Variants in MROH2B observed in about 807,000 individuals in gnomAD.
The protein encoded by MROH2B is maestro heat like repeat family member 2B.
MROH2B carries 177 observed loss-of-function variants against 208.6 expected under a neutral mutation model. The ratio of observed to expected loss-of-function variants is 0.85; its 90% CI spans 0.75 to 0.96. The LOEUF (loss-of-function observed/expected upper bound fraction) is 0.96. Ranked by LOEUF, MROH2B falls within the 40% of genes least tolerant of loss-of-function variation. The pLI, the probability that MROH2B is intolerant of heterozygous loss-of-function variation, is 0.00. For missense variants in MROH2B, 2,002 were observed against 1,878.7 expected, an observed-to-expected ratio of 1.07 and a Z score of -1.21; for synonymous variants, 728 against 659.0, an observed-to-expected ratio of 1.10 and a Z score of -1.60.
At position 41,008,601 on chromosome 5, in the gene MROH2B, T is replaced by C; in HGVS notation, c.3608+5A>G. The C allele has an allele frequency of 1.2e-6, 2 of 1,613,154 alleles. No homozygotes were observed. The highest frequency in any genetic ancestry group is 1.7e-6 in the Non-Finnish European group (2 of 1,179,540). On this transcript the variant is annotated splice_donor_5th_base_variant and intron_variant, in intron 33 of 41. Coordinates refer to ENST00000399564, the MANE Select transcript of MROH2B (RefSeq NM_173489.5). ...GTGGAAGATGCTTCCTGATTGGCCG[T>C]TTACCTGCAGGGGTCTGGGATCTGC... is the stretch of plus-strand genomic sequence containing the variant.
intron 5 of MROH2B, among the ~76,000 whole-genome samples, chr5:41,062,733 G>C (rs1476131251): frequency 2.0e-5 from 3 of 152,140 alleles, no homozygotes; most frequent in African/African-American, 4.8e-5. Context: ...TATAGCTGTA[G>C]AGCCGGCCAT....
intron 28 of MROH2B, among the ~76,000 whole-genome samples, chr5:41,016,774 C>A (rs1219836395): frequency 2.0e-5 from 3 of 152,024 alleles, no homozygotes; most frequent in Non-Finnish European, 4.4e-5. Context: ...CCCACCACGT[C>A]CAGCCTGGAA....
rs553024023 is a variant in MROH2B at position 41,020,097 on chromosome 5, G to A, written c.2442-1079C>T. Among the ~76,000 whole-genome samples, 14 of 152,156 alleles carry A rather than the reference G, an allele frequency of 9.2e-5. No individual in the cohort carries two copies. In the South Asian group the frequency reaches 2.7e-3, roughly 29 times the overall value. ...CATAAGCTCGTGAACATGAGTTGTG[G>A]CTGATCTGGATTAAGATGTAACACA... On this transcript the variant is annotated intron_variant, in intron 24 of 41. Coordinates refer to ENST00000399564, the MANE Select transcript of MROH2B (RefSeq NM_173489.5).
At chr5:41,015,186 A>C (rs1741898896) in intron 29 of MROH2B, among the ~76,000 whole-genome samples, 195 bp downstream of exon 29, 1 of 152,242 alleles carries the variant, frequency 6.6e-6, no homozygotes, top group South Asian at 2.1e-4. Flanking sequence ...CTTGGTCTAC[A>C]AAGTTTCCCA....
Position 41,039,451 on chromosome 5 carries a change from A to T in MROH2B, c.2058T>A (p.Cys686Ter). 6.4e-7 allele frequency: 1 copy of T among 1,560,456 alleles called. No individual in the cohort carries two copies. Among genetic ancestry groups the T allele is most frequent in the Non-Finnish European group, 8.8e-7 (1 of 1,140,966 alleles). ...TGAAGGAGATGATTCTTCTTACCTT[A>T]CATCGATTCATGAAAAACTTTTCCT... is the stretch of plus-strand genomic sequence containing the variant. Reference protein sequence around the residue: ...QNQEKFFMNRCKSLFSGKKSL... With the variant: ...QNQEKFFMNR Residue 686 changes from cysteine (C) to a stop codon, truncating the protein, a stop_gained, in exon 20 of 42, where the codon TGT (cysteine) becomes TGA (stop). Coordinates refer to ENST00000399564, the MANE Select transcript of MROH2B (RefSeq NM_173489.5). LOFTEE classifies it high-confidence loss of function.
chr5:41,063,762 C>T (rs1743711993), intron 5 of MROH2B, among the ~76,000 whole-genome samples: 2 of 152,184 alleles, frequency 1.3e-5, no homozygotes, highest in Non-Finnish European at 2.9e-5. Flanking sequence ...CACCTGGTGG[C>T]TCAGTGGCTG....
chr5:41,038,860 G>C lies in MROH2B; in HGVS notation c.2090C>G (p.Thr697Ser), dbSNP rs151096065. The C allele has an allele frequency of 6.2e-7, 1 of 1,610,502 alleles. No individual in the cohort carries two copies. Reference sequence around the variant, plus strand: ...ATAGATGACCATGACATCTGTCTTGGTCAGGCTCTTTTTCCCAGAAAAAAG... The same window carrying C: ...ATAGATGACCATGACATCTGTCTTGCTCAGGCTCTTTTTCCCAGAAAAAAG... ...KSLFSGKKSL[T>S]KTDVMVIYGA... The change falls in exon 21 of 42, where the codon ACC becomes AGC. Residue 697 changes from threonine (T) to serine (S), a missense_variant. Coordinates refer to ENST00000399564, the MANE Select transcript of MROH2B (RefSeq NM_173489.5).
chr5:40,998,588 G>A, intron 41 of MROH2B, 24 bp downstream of exon 41: 1 of 1,560,546 alleles, frequency 6.4e-7, no homozygotes, highest in Non-Finnish European at 8.7e-7. Context: ...CAATATGCTG[G>A]GAAGAAACTA....
At chr5:41,068,575 T>C (rs779700042) in intron 2 of MROH2B, among the ~76,000 whole-genome samples, 5 of 152,240 alleles carry the variant, frequency 3.3e-5, no homozygotes, top group East Asian at 3.8e-4. Context: ...AGCTGGCACC[T>C]TAACCTCTTG....
intron 10 of MROH2B, 107 bp downstream of exon 10, chr5:41,055,635 T>C (rs1743423079): frequency 2.8e-6 from 2 of 715,832 alleles, no homozygotes; most frequent in Admixed American, 2.6e-5. Flanking sequence ...TTGCACGTGA[T>C]GTTATATAAG....
chr5:41,070,692 A>G (rs1443299688), intron 1 of MROH2B, 133 bp downstream of exon 1: 1 of 804,772 alleles, frequency 1.2e-6, no homozygotes, highest in East Asian at 2.7e-5. Context: ...TTAGCATACC[A>G]TTTCATAAAT....
intron 24 of MROH2B, among the ~76,000 whole-genome samples, chr5:41,021,742 T>G (rs1742156289): frequency 6.6e-6 from 1 of 152,020 alleles, no homozygotes; most frequent in Non-Finnish European, 1.5e-5. Flanking sequence ...CTGGGCGTGG[T>G]GGTGCTCACC....
At chr5:41,033,210 C>G (rs1299856081) in intron 22 of MROH2B, 50 bp from the exon 23 acceptor site, 8 of 1,600,872 alleles carry the variant, frequency 5.0e-6, no homozygotes, top group Admixed American at 3.4e-5. Flanking sequence ...ACACCACACT[C>G]AGGTCTATTA....
chr5:41,063,772 G>T (rs1237732931), intron 5 of MROH2B, among the ~76,000 whole-genome samples: 2 of 152,172 alleles, frequency 1.3e-5, no homozygotes, highest in African/African-American at 2.4e-5. Context: ...CTCAGTGGCT[G>T]AGCAGAGACA....
intron 17 of MROH2B, among the ~76,000 whole-genome samples, chr5:41,046,159 G>A (rs1049698956): frequency 6.6e-6 from 1 of 151,492 alleles, no homozygotes; most frequent in Non-Finnish European, 1.5e-5. Flanking sequence ...GAAACTTAAA[G>A]TTGGCATTTT....
chr5:41,048,305 T>G lies in MROH2B; in HGVS notation c.1684+19A>C. The G allele has an allele frequency of 6.3e-7, 1 of 1,598,374 alleles. No individual in the cohort carries two copies. Reference sequence around the variant, plus strand: ...TGTTCTTGCCCCCTGGGTAAAGACCTGGCCCCAATCCCTTGTACCTTCCAG... The same window carrying G: ...TGTTCTTGCCCCCTGGGTAAAGACCGGGCCCCAATCCCTTGTACCTTCCAG... On this transcript the variant is annotated intron_variant, in intron 16 of 41. Transcript: ENST00000399564.
rs1195734446 is a variant in MROH2B, at chr5:41,016,967, C to A, written c.2884+883G>T. Among the ~76,000 whole-genome samples, 4 of 152,128 alleles carry A rather than the reference C, an allele frequency of 2.6e-5. No individual in the cohort carries two copies. The East Asian group carries it at 7.7e-4, about 29-fold the overall frequency. The stretch of plus-strand genomic sequence containing the variant: ...CCCCCAACCAAATCCTACCTTTTGG[C>A]TTTAACACACTTATAAAATGTGAAT... On this transcript the variant is annotated intron_variant, in intron 28 of 41. Transcript: ENST00000399564.
At chr5:41,000,388 G>T in intron 38 of MROH2B, 37 bp from the exon 39 acceptor site, 1 of 1,604,004 alleles carries the variant, frequency 6.2e-7, no homozygotes, top group South Asian at 1.1e-5. Flanking sequence ...AGTCCAGAAC[G>T]TTAGGATCTC....
At chr5:41,031,448 G>A (rs1742565929) in intron 24 of MROH2B, among the ~76,000 whole-genome samples, 2 of 152,076 alleles carry the variant, frequency 1.3e-5, no homozygotes, top group South Asian at 4.1e-4. Flanking sequence ...AGATTTGGGT[G>A]GGGACCCAAA....
Sources: gnomAD v4.1 joint callset for allele counts (sites outside exome capture counted in the v4.1 genomes callset) on GRCh38, gnomAD v4.1.1 for gene constraint, MANE v1.5 for transcripts, NCBI Gene and HGNC (gene_info 2026-07-23, HGNC 2026-07-21) for gene names.